ENOX1: variants seen among roughly 807,000 people sequenced by gnomAD.
The protein encoded by ENOX1 is candidate growth-related and time keeping constitutive hydroquinone (NADH) oxidase.
A neutral mutation model predicts 82.5 loss-of-function variants in ENOX1; 42 were observed. The ratio of observed to expected loss-of-function variants is 0.51; its 90% CI spans 0.40 to 0.66. ENOX1 has a LOEUF of 0.66. ENOX1 is among the 30% of genes least tolerant of loss of function. The pLI is 0.00. For synonymous variants in ENOX1, 271 were observed against 282.2 expected (o/e 0.96, Z 0.40); for missense variants, 608 against 811.6 (o/e 0.75, Z 3.05).
intron 1 of ENOX1, among the ~76,000 whole-genome samples, chr13:43,778,663 C>T (rs1952066023): frequency 6.6e-6 from 1 of 152,204 alleles, no homozygotes. Context: ...TAAAATATAA[C>T]TTTCTTCCTT....
intron 9 of ENOX1, among the ~76,000 whole-genome samples, chr13:43,334,882 G>A (rs2048613441): frequency 6.6e-6 from 1 of 152,124 alleles, no homozygotes; most frequent in Non-Finnish European, 1.5e-5. Flanking sequence ...TACAGAAGTG[G>A]GGCCAAGGGA....
intron 2 of ENOX1, among the ~76,000 whole-genome samples, chr13:43,571,880 G>C (rs926780280): frequency 6.6e-6 from 1 of 152,038 alleles, no homozygotes; most frequent in Non-Finnish European, 1.5e-5. Context: ...GTATATATCA[G>C]ACAAGCGGTG....
intron 1 of ENOX1, among the ~76,000 whole-genome samples, chr13:43,685,139 G>T (rs956534401): frequency 5.3e-5 from 8 of 152,148 alleles, no homozygotes; most frequent in Non-Finnish European, 1.0e-4. Context: ...CAAAGAGTCT[G>T]CCGCAGCTTT....
intron 2 of ENOX1, among the ~76,000 whole-genome samples, chr13:43,519,092 A>G (rs2077663980): frequency 6.6e-6 from 1 of 152,140 alleles, no homozygotes; most frequent in African/African-American, 2.4e-5. Context: ...GAACAACAAC[A>G]ACAACCCTGA....
rs2046395244 is a variant in ENOX1 at position 43,298,426 on chromosome 13, GT to G, written c.1365del (p.Glu455AspfsTer31). 1.2e-6 allele frequency: 2 copies of G among 1,613,916 alleles called. No individual in the cohort carries two copies. On this transcript the variant is annotated frameshift_variant, in exon 12 of 17. Coordinates refer to ENST00000690772, the MANE Select transcript of ENOX1 (RefSeq NM_001347969.2). LOFTEE classifies it high-confidence loss of function. The part of the protein sequence containing the change: ...NEVELLKQEK[E>X]QLFRTEENLT... ...AGGTTTTCTTCTGTTCGGAAAAGCT[GT>G]TCTTTTTCTTGTTTCAGCAGCTCCA...
chr13:43,329,253 T>G (rs1435356392), intron 9 of ENOX1, among the ~76,000 whole-genome samples: 1 of 152,140 alleles, frequency 6.6e-6, no homozygotes, highest in Non-Finnish European at 1.5e-5. Context: ...TTGGGAACTT[T>G]ATATTGTAGG....
chr13:43,244,008 T>A (rs1355826201), intron 14 of ENOX1, among the ~76,000 whole-genome samples: 4 of 151,894 alleles, frequency 2.6e-5, no homozygotes, highest in South Asian at 4.2e-4. Flanking sequence ...TCATCACTTA[T>A]ACATCACATT....
At chr13:43,649,604 G>C (rs7333595) in intron 2 of ENOX1, among the ~76,000 whole-genome samples, 5,616 of 152,120 alleles carry the variant, frequency 0.037, 318 homozygotes, top group African/African-American at 0.13. Context: ...ATCTAGATTT[G>C]ATTTCCAACT....
chr13:43,524,647 T>C (rs1369225456), intron 2 of ENOX1, among the ~76,000 whole-genome samples: 2 of 152,116 alleles, frequency 1.3e-5, no homozygotes, highest in African/African-American at 2.4e-5. Flanking sequence ...TGGGCCTTTG[T>C]ACATGCCTGT....
At chr13:43,417,236 G>A (rs897185161) in intron 3 of ENOX1, among the ~76,000 whole-genome samples, 5 of 9,208 alleles carry the variant, frequency 5.4e-4, no homozygotes, top group Non-Finnish European at 1.7e-3. Flanking sequence ...GACGGGAGAC[G>A]GGAGACGGGA....
At chr13:43,589,710 A>G (rs1349682495) in intron 2 of ENOX1, among the ~76,000 whole-genome samples, 1 of 152,064 alleles carries the variant, frequency 6.6e-6, no homozygotes, top group East Asian at 1.9e-4. Flanking sequence ...CAGTCTCACT[A>G]TGTTGCCCAG....
At chr13:43,443,633 A>G (rs948453618) in intron 3 of ENOX1, among the ~76,000 whole-genome samples, 3 of 152,122 alleles carry the variant, frequency 2.0e-5, no homozygotes, top group African/African-American at 7.2e-5. Context: ...ATTATAATGT[A>G]CTTGAGATAA....
chr13:43,392,990 A>G (rs2153583064), intron 5 of ENOX1, among the ~76,000 whole-genome samples: 1 of 152,324 alleles, frequency 6.6e-6, no homozygotes, highest in South Asian at 2.1e-4. Flanking sequence ...CTATCCTGAC[A>G]ATTATAAGTC....
chr13:43,446,662 C>T (rs1367989002), intron 3 of ENOX1, among the ~76,000 whole-genome samples: 4 of 152,216 alleles, frequency 2.6e-5, no homozygotes, highest in Non-Finnish European at 4.4e-5. Context: ...TGTTTATAAG[C>T]CCCATCTAAC....
chr13:43,269,791 A>G (rs2044583561), intron 12 of ENOX1, among the ~76,000 whole-genome samples: 1 of 152,190 alleles, frequency 6.6e-6, no homozygotes, highest in African/African-American at 2.4e-5. Context: ...GATGCACAAA[A>G]CTTGTTTTCA....
At chr13:43,519,399 T>C (rs1027871708) in intron 2 of ENOX1, among the ~76,000 whole-genome samples, 2 of 152,192 alleles carry the variant, frequency 1.3e-5, no homozygotes, top group Admixed American at 1.3e-4. Context: ...ACAAATTCTT[T>C]AGCCTAAAAA....
At chr13:43,327,744 C>T (rs891558885) in intron 9 of ENOX1, among the ~76,000 whole-genome samples, 2 of 152,096 alleles carry the variant, frequency 1.3e-5, no homozygotes, top group African/African-American at 2.4e-5. Flanking sequence ...GAGTAATCCC[C>T]ACAGAAGAAC....
At chr13:43,354,977 C>T (rs953686844) in intron 8 of ENOX1, among the ~76,000 whole-genome samples, 1 of 152,218 alleles carries the variant, frequency 6.6e-6, no homozygotes, top group Non-Finnish European at 1.5e-5. Flanking sequence ...AAGCATATTG[C>T]ATTTACCTTG....
intron 2 of ENOX1, among the ~76,000 whole-genome samples, chr13:43,496,742 T>A (rs1215465267): frequency 6.6e-6 from 1 of 152,170 alleles, no homozygotes; most frequent in African/African-American, 2.4e-5. Context: ...TTAAATCAAT[T>A]TACTGTATAA....
Sources: allele counts gnomAD v4.1 joint callset (sites outside exome capture counted in the v4.1 genomes callset), GRCh38; gene constraint gnomAD v4.1.1; transcripts MANE v1.5; gene names NCBI Gene and HGNC (gene_info 2026-07-23, HGNC 2026-07-21).